The following SZT2 variants were observed in gnomAD, a reference collection of about 807,000 sequenced individuals.
SZT2 encodes the protein KICSTOR complex protein SZT2.
In SZT2, 216 loss-of-function variants were observed where a neutral mutation model predicts 404.2. The ratio of observed to expected loss-of-function variants is 0.53; its 90% CI spans 0.48 to 0.60. SZT2 has a LOEUF of 0.60. Among genes scored for constraint, SZT2 ranks in the 20% least tolerant of loss-of-function variants. SZT2 has a pLI of 0.00. For missense variants in SZT2, 3,857 were observed against 4,459.2 expected (o/e 0.86, Z 3.85); for synonymous variants, 1,693 against 1,749.9 (o/e 0.97, Z 0.81).
chr1:43,452,417 G>T lies in SZT2; in HGVS notation c.*1937G>T. On this transcript the variant is annotated 3_prime_UTR_variant, in exon 72 of 72. Transcript: ENST00000634258. The stretch of plus-strand genomic sequence containing the variant: ...TGCCAGCCCTCGTCCGTCTCCCCAG[G>T]TCTCCAGTCCATGGCACCTGGGTCA... 1.0e-6 allele frequency: 1 copy of T among 953,522 alleles called. No homozygotes were observed. The highest frequency in any genetic ancestry group is 1.7e-6 in the Non-Finnish European group (1 of 600,996). 59.1% of individuals were successfully genotyped at this position (953,522 alleles called of 1,614,324 possible).
chr1:43,443,136 GAGGA>G lies in SZT2; in HGVS notation c.8420-48_8420-45del, dbSNP rs1425339374. ...GGGACAGGAAATCTGTGGAGTCTGG[GAGGA>G]AGGGAGTGACAATGCCTGGGGCTAC... is the stretch of plus-strand genomic sequence containing the variant. On this transcript the variant is annotated intron_variant, in intron 59 of 71. Coordinates refer to ENST00000634258, the MANE Select transcript of SZT2 (RefSeq NM_001365999.1). 5.6e-6 allele frequency: 9 copies of G among 1,613,464 alleles called. No homozygotes were observed. The African/African-American group carries it at 1.2e-4, about 22-fold the overall frequency.
rs149762020 is a variant in SZT2, at chr1:43,452,224, G to C, written c.*1744G>C. 4.6e-5 allele frequency: 74 copies of C among 1,613,196 alleles called. 1 individual carries two copies. In the African/African-American group the frequency reaches 7.2e-4, roughly 16 times the overall value. On this transcript the variant is annotated 3_prime_UTR_variant, in exon 72 of 72. Coordinates refer to ENST00000634258, the MANE Select transcript of SZT2 (RefSeq NM_001365999.1). ...TCTCACCTGAGCCAAAACCCCAGCT[G>C]CATGCCTCAGGTTCTCCAGAAAAAC...
intron 3 of SZT2, 68 bp from the exon 4 acceptor site, chr1:43,404,312 C>A: frequency 7.2e-7 from 1 of 1,379,904 alleles, no homozygotes; most frequent in South Asian, 1.3e-5. Context: ...CCCATGGAAG[C>A]TGCATGTTTC....
Position 43,437,022 on chromosome 1 carries a change from C to T in SZT2, c.6035-149C>T, listed in dbSNP as rs1418558556. On this transcript the variant is annotated intron_variant, in intron 42 of 71. Coordinates refer to ENST00000634258, the MANE Select transcript of SZT2 (RefSeq NM_001365999.1). The surrounding 1 kb of genome is among the most constrained non-coding windows in gnomAD (Gnocchi z 5.3). ...AGGGCATGCATCTGCCTGGCCCTGTCGTGTTACCCAGAATGATCATCATTT... is the reference window on the plus strand; with the variant it reads ...AGGGCATGCATCTGCCTGGCCCTGTTGTGTTACCCAGAATGATCATCATTT... The T allele has an allele frequency of 2.1e-5, 22 of 1,043,724 alleles. No homozygotes were observed. Among genetic ancestry groups the T allele is most frequent in the South Asian group, 4.6e-5 (3 of 64,774 alleles). The allele number at this position is 1,043,724 out of a possible 1,614,324, so 64.7% of individuals were successfully genotyped here. A position where few individuals can be genotyped will look rare whatever the true frequency, so the allele number is the denominator to read the frequency against.
In SZT2 at chr1:43,447,939, G is replaced by A. The variant is rs931119368; in HGVS notation, c.9531G>A (p.Glu3177=). ...TCTGTCACTGTGCTGCACCCTTTGAGGAGCAAGGAGAGGCTGAGCGGCACG... is the reference window on the plus strand; with the variant it reads ...TCTGTCACTGTGCTGCACCCTTTGAAGAGCAAGGAGAGGCTGAGCGGCACG... ...LLVCHCAAPF[E]EQGEAERHVL... The change falls in exon 68 of 72, where the codon GAG becomes GAA. Residue 3177 remains glutamate, a synonymous_variant. Coordinates refer to ENST00000634258, the MANE Select transcript of SZT2 (RefSeq NM_001365999.1). 2 of 1,613,894 alleles carry A rather than the reference G, an allele frequency of 1.2e-6. No individual in the cohort carries two copies. Among genetic ancestry groups the A allele is most frequent in the African/African-American group, 2.7e-5 (2 of 74,832 alleles).
Position 43,442,449 on chromosome 1 carries a change from T to C in SZT2, c.7982T>C (p.Leu2661Pro). Residue 2661 changes from leucine to proline, a missense_variant, in exon 58 of 72, where the codon CTG (leucine) becomes CCG (proline). Physicochemically the swap from Leu to Pro is moderately conservative, Grantham distance 98. Transcript: ENST00000634258. The surrounding 1 kb of genome is among the most constrained non-coding windows in gnomAD (Gnocchi z 4.5). ...LLEVVDKKLQ[L>P]LTYNWAPDLG... ...CTGACCCCCGACCTCCAGCTACAGC[T>C]GCTGACCTACAACTGGGCTCCAGAC... 1 of 1,613,194 alleles carries C rather than the reference T, an allele frequency of 6.2e-7. No homozygotes were observed.
chr1:43,391,932 A>ACATCGTGAGAT (rs1648402712), intron 1 of SZT2, among the ~76,000 whole-genome samples: 1 of 69,268 alleles, frequency 1.4e-5, no homozygotes, highest in Admixed American at 1.5e-4. Context: ...AAAATACAAA[A>ACATCGTGAGAT]AATTAGCTGG....
At position 43,448,168 on chromosome 1, in the gene SZT2, T is replaced by C. The variant is rs758828742; in HGVS notation, c.9653T>C (p.Leu3218Pro). Residue 3218 changes from leucine (L) to proline (P), a missense_variant, in exon 69 of 72, where the codon CTG becomes CCG. By Grantham distance (98) the Leu-to-Pro change is moderately conservative (BLOSUM62 -3). Around this residue, in one of 7 missense-constraint regions of SZT2, gnomAD observed 717 missense variants for 868.2 expected, o/e 0.83. Transcript: ENST00000634258. This position sits in a 1 kb window ranked among gnomAD's most constrained non-coding sequence, Gnocchi z 4.2. The part of the protein sequence containing the change: ...DMRRFRKPPR[L>P]PPEPEAPGSS... ...CGCCGCTTCCGGAAGCCACCCAGACTGCCCCCTGAGCCAGAGGCTCCTGGG... is the reference window on the plus strand; with the variant it reads ...CGCCGCTTCCGGAAGCCACCCAGACCGCCCCCTGAGCCAGAGGCTCCTGGG... The C allele has an allele frequency of 3.7e-6, 6 of 1,611,764 alleles. No individual in the cohort carries two copies. Among genetic ancestry groups the C allele is most frequent in the Non-Finnish European group, 5.1e-6 (6 of 1,178,688 alleles).
intron 36 of SZT2, 37 bp downstream of exon 36, chr1:43,431,938 G>A (rs369724247): frequency 6.2e-7 from 1 of 1,610,196 alleles, no homozygotes; most frequent in Non-Finnish European, 8.5e-7. Flanking sequence ...GTCACCTTGG[G>A]GCCCGTCCTT....
chr1:43,411,714 A>G (rs575391836), intron 4 of SZT2, among the ~76,000 whole-genome samples: 1 of 152,086 alleles, frequency 6.6e-6, no homozygotes, highest in African/African-American at 2.4e-5. Flanking sequence ...TGAAAAACAA[A>G]AACAAAAGCA....
At chr1:43,445,577 C>A in intron 62 of SZT2, 1 of 403,254 alleles carries the variant, frequency 2.5e-6, no homozygotes, top group East Asian at 4.8e-5. Flanking sequence ...TTTTCCTAAT[C>A]AAATTGTAGA....
At chr1:43,431,151 G>A (rs561964358) in intron 33 of SZT2, 61 bp downstream of exon 33, 8 of 1,590,800 alleles carry the variant, frequency 5.0e-6, no homozygotes, top group African/African-American at 2.7e-5. Flanking sequence ...ACCACTAAGC[G>A]AATCTAGAGC....
Position 43,447,987 on chromosome 1 carries a change from A to T in SZT2, c.9563+16A>T, listed in dbSNP as rs754479767. The T allele has an allele frequency of 6.2e-7, 1 of 1,613,290 alleles. No individual in the cohort carries two copies. The highest frequency in any genetic ancestry group is 1.7e-5 in the Admixed American group (1 of 59,976). On this transcript the variant is annotated intron_variant, in intron 68 of 71. Coordinates refer to ENST00000634258, the MANE Select transcript of SZT2 (RefSeq NM_001365999.1). ...ACGTTCTGCGGTCAGCAGATCCCCT[A>T]CCTTGAACATGCCCATTTCCCAGCC...
In SZT2 at chr1:43,432,521, T is replaced by C; in HGVS notation, c.5447T>C (p.Leu1816Pro). ...TCCTGACTTCCTATTCCTCAGACCC[T>C]GACAGCCAGCCCCCAAGCACCTGGG... is the stretch of plus-strand genomic sequence containing the variant. ...DRAEGIEGET[L>P]TASPQAPGSP... The change falls in exon 38 of 72, where the codon CTG becomes CCG. Residue 1816 changes from leucine to proline, a missense_variant. This residue lies in a region of SZT2 where 1,725 missense variants were observed against 1,881.0 expected (regional missense o/e 0.92). Coordinates refer to ENST00000634258, the MANE Select transcript of SZT2 (RefSeq NM_001365999.1). The C allele has an allele frequency of 6.2e-7, 1 of 1,605,062 alleles. No homozygotes were observed. The highest frequency in any genetic ancestry group is 1.7e-5 in the Admixed American group (1 of 58,984).
In SZT2 at chr1:43,441,399, TG is replaced by T. The variant is rs1314131299; in HGVS notation, c.7511+20del. The T allele has an allele frequency of 6.2e-7, 1 of 1,613,596 alleles. No homozygotes were observed. Among genetic ancestry groups the T allele is most frequent in the Non-Finnish European group, 8.5e-7 (1 of 1,179,700 alleles). On this transcript the variant is annotated intron_variant, in intron 53 of 71. Transcript: ENST00000634258. The surrounding 1 kb of genome is among the most constrained non-coding windows in gnomAD (Gnocchi z 4.8). ...GACAAAAGTATGTGTGTGGTGGTGG[TG>T]TGCCCTGGGAGGGTATGGGTGTGAA...
chr1:43,443,290 T>G (rs777639135), intron 60 of SZT2, 23 bp downstream of exon 60: 1 of 1,614,158 alleles, frequency 6.2e-7, no homozygotes, highest in Non-Finnish European at 8.5e-7. Context: ...AGCTTGCATC[T>G]TCCTTGAGTA....
Position 43,442,430 on chromosome 1 carries a change from C to CCCGACCT in SZT2, c.7975-9_7975-3dup. On this transcript the variant is annotated splice_polypyrimidine_tract_variant and intron_variant, in intron 57 of 71. Coordinates refer to ENST00000634258, the MANE Select transcript of SZT2 (RefSeq NM_001365999.1). The surrounding 1 kb of genome is among the most constrained non-coding windows in gnomAD (Gnocchi z 4.5). ...TTCCGTGATCTCACTGACCCTGACC[C>CCCGACCT]CCGACCTCCAGCTACAGCTGCTGAC... 6.2e-7 allele frequency: 1 copy of CCCGACCT among 1,612,250 alleles called. No individual in the cohort carries two copies. The highest frequency in any genetic ancestry group is 2.2e-5 in the East Asian group (1 of 44,844).
chr1:43,437,988 A>G lies in SZT2; in HGVS notation c.6508+86A>G. ...TCTCTTAGAACCTTGCAAGCATTACACTAGAAGTTATGTAACAGTCTCAGC... is the reference window on the plus strand; with the variant it reads ...TCTCTTAGAACCTTGCAAGCATTACGCTAGAAGTTATGTAACAGTCTCAGC... On this transcript the variant is annotated intron_variant, in intron 46 of 71. Coordinates refer to ENST00000634258, the MANE Select transcript of SZT2 (RefSeq NM_001365999.1). This position sits in a 1 kb window ranked among gnomAD's most constrained non-coding sequence, Gnocchi z 5.3. 1.5e-6 allele frequency: 2 copies of G among 1,343,306 alleles called. No homozygotes were observed. The highest frequency in any genetic ancestry group is 2.1e-6 in the Non-Finnish European group (2 of 943,746). 83.2% of individuals were successfully genotyped at this position (1,343,306 alleles called of 1,614,324 possible).
intron 7 of SZT2, among the ~76,000 whole-genome samples, chr1:43,417,777 T>A (rs1651878841): frequency 6.6e-6 from 1 of 151,772 alleles, no homozygotes; most frequent in East Asian, 1.9e-4. Context: ...GCTTGAGAGG[T>A]AGAGATTTAA....
Sources: allele counts gnomAD v4.1 joint callset (sites outside exome capture counted in the v4.1 genomes callset), GRCh38; gene constraint gnomAD v4.1.1; regional missense constraint gnomAD v4.1.1; non-coding constraint Gnocchi (gnomAD v3.1); transcripts MANE v1.5; gene names NCBI Gene and HGNC (gene_info 2026-07-23, HGNC 2026-07-21).